The following TSPAN5 variants were observed in gnomAD, a reference collection of about 807,000 sequenced individuals.
The protein encoded by TSPAN5 is tetraspanin-5.
A neutral mutation model predicts 37.1 loss-of-function variants in TSPAN5; 10 were observed. The ratio of observed to expected loss-of-function variants is 0.27; its 90% CI spans 0.17 to 0.46. The LOEUF (loss-of-function observed/expected upper bound fraction) is 0.46. Ranked by LOEUF, TSPAN5 falls within the 20% of genes least tolerant of loss-of-function variation. TSPAN5 has a pLI of 1.00. For synonymous variants in TSPAN5, 110 were observed against 118.9 expected (o/e 0.93, Z 0.48); for missense variants, 195 against 326.6 (o/e 0.60, Z 3.11).
At chr4:98,484,145 CCAAAT>C (rs1752908938) in intron 3 of TSPAN5, 1 of 250,386 alleles carries the variant, frequency 4.0e-6, no homozygotes, top group Non-Finnish European at 7.9e-6. Flanking sequence ...AAAATTGAGT[CCAAAT>C]TCAATTCATA....
At chr4:98,484,498 C>T in intron 3 of TSPAN5, 2 of 455,976 alleles carry the variant, frequency 4.4e-6, no homozygotes, top group South Asian at 1.6e-5. Flanking sequence ...CAAGAAACAA[C>T]ACAATTCTCT....
chr4:98,608,132 G>A (rs959886049), intron 1 of TSPAN5, among the ~76,000 whole-genome samples: 2 of 152,134 alleles, frequency 1.3e-5, no homozygotes, highest in Non-Finnish European at 1.5e-5. Flanking sequence ...CATAAGCTGC[G>A]GGAGTGTGAA....
At chr4:98,481,955 G>A (rs1752846790) in intron 4 of TSPAN5, 50 bp downstream of exon 4, 2 of 1,585,422 alleles carry the variant, frequency 1.3e-6, no homozygotes, top group South Asian at 2.2e-5. Flanking sequence ...ATTCACTGGG[G>A]TCATCGTTCA....
At chr4:98,613,136 CTTTT>C (rs11308204) in intron 1 of TSPAN5, among the ~76,000 whole-genome samples, 4 of 143,378 alleles carry the variant, frequency 2.8e-5, no homozygotes, top group African/African-American at 7.7e-5. Context: ...AGGGCAAAAC[CTTTT>C]TTTTTTTTTT....
intron 1 of TSPAN5, among the ~76,000 whole-genome samples, chr4:98,633,952 G>A (rs1318092124): frequency 6.6e-6 from 1 of 152,078 alleles, no homozygotes; most frequent in African/African-American, 2.4e-5. Flanking sequence ...GGTGGCACAC[G>A]CCTGTAATCC....
intron 1 of TSPAN5, among the ~76,000 whole-genome samples, chr4:98,644,046 G>T (rs1757012342): frequency 6.6e-6 from 1 of 151,932 alleles, no homozygotes; most frequent in South Asian, 2.1e-4. Context: ...TAGTTTTCCT[G>T]TTACTGAATT....
At chr4:98,590,030 C>A (rs6829942) in intron 1 of TSPAN5, among the ~76,000 whole-genome samples, 1 of 152,126 alleles carries the variant, frequency 6.6e-6, no homozygotes, top group African/African-American at 2.4e-5. Context: ...TCCTACTGTA[C>A]GAAATTCCAG....
chr4:98,512,737 T>C (rs772812780), intron 1 of TSPAN5, among the ~76,000 whole-genome samples: 28 of 152,220 alleles, frequency 1.8e-4, no homozygotes, highest in Non-Finnish European at 1.0e-4. Context: ...AAATGGATAC[T>C]TCAAGAGGCC....
Position 98,532,565 on chromosome 4 carries a change from G to A in TSPAN5, c.82-24837C>T, listed in dbSNP as rs548854704. On this transcript the variant is annotated intron_variant, in intron 1 of 7. Coordinates refer to ENST00000305798, the MANE Select transcript of TSPAN5 (RefSeq NM_005723.4). ...TGTATTCTGAGACTTTGCTGAAGTT[G>A]CTTATCAACTTAAGGAGATTTTGGG... Among the ~76,000 whole-genome samples, 6 of 152,250 alleles carry A rather than the reference G, an allele frequency of 3.9e-5. No individual in the cohort carries two copies. The South Asian group carries it at 1.2e-3, about 32-fold the overall frequency.
intron 1 of TSPAN5, among the ~76,000 whole-genome samples, chr4:98,634,321 T>C (rs1299826503): frequency 6.6e-6 from 1 of 152,156 alleles, no homozygotes; most frequent in Non-Finnish European, 1.5e-5. Context: ...AGGGGCCTTT[T>C]GCCTTGCCCT....
intron 2 of TSPAN5, among the ~76,000 whole-genome samples, chr4:98,499,698 C>T (rs1163562942): frequency 1.6e-5 from 2 of 126,574 alleles, no homozygotes; most frequent in Non-Finnish European, 3.1e-5. Context: ...TCTCACTCTG[C>T]TGCCCAGGCT....
intron 1 of TSPAN5, among the ~76,000 whole-genome samples, chr4:98,582,678 A>G (rs1050438140): frequency 6.6e-6 from 1 of 152,188 alleles, no homozygotes; most frequent in African/African-American, 2.4e-5. Context: ...ATGAAGTCCA[A>G]GATATCTTTC....
chr4:98,588,494 C>A (rs958158318), intron 1 of TSPAN5, among the ~76,000 whole-genome samples: 5 of 151,830 alleles, frequency 3.3e-5, no homozygotes, highest in Non-Finnish European at 5.9e-5. Flanking sequence ...AATGTCTTTT[C>A]TCATCTTTTG....
At chr4:98,639,183 T>C (rs562862699) in intron 1 of TSPAN5, among the ~76,000 whole-genome samples, 1 of 152,326 alleles carries the variant, frequency 6.6e-6, no homozygotes, top group South Asian at 2.1e-4. Context: ...ACGGGGTTCT[T>C]GGTCTCAGCA....
intron 3 of TSPAN5, 160 bp from the exon 4 acceptor site, chr4:98,482,335 T>C (rs757795997): frequency 8.3e-6 from 5 of 604,936 alleles, no homozygotes; most frequent in Non-Finnish European, 1.4e-5. Context: ...AATAGAATAT[T>C]ACACTCCAAG....
chr4:98,575,104 A>G (rs192256174), intron 1 of TSPAN5, among the ~76,000 whole-genome samples: 61 of 152,328 alleles, frequency 4.0e-4, no homozygotes, highest in Non-Finnish European at 7.2e-4. Flanking sequence ...CTCTGCAAGG[A>G]ACACCTCATG....
At chr4:98,608,530 C>G (rs895490112) in intron 1 of TSPAN5, among the ~76,000 whole-genome samples, 1 of 152,166 alleles carries the variant, frequency 6.6e-6, no homozygotes, top group South Asian at 2.1e-4. Flanking sequence ...GAGGAACAGT[C>G]TTCTGTGACA....
intron 1 of TSPAN5, among the ~76,000 whole-genome samples, chr4:98,558,687 CCA>C (rs1754808375): frequency 6.6e-6 from 1 of 152,104 alleles, no homozygotes; most frequent in African/African-American, 2.4e-5. Flanking sequence ...TCAGCTTTTT[CCA>C]GTTTCTTCTT....
At chr4:98,575,711 C>A (rs1433108117) in intron 1 of TSPAN5, among the ~76,000 whole-genome samples, 1 of 151,588 alleles carries the variant, frequency 6.6e-6, no homozygotes, top group African/African-American at 2.4e-5. Context: ...CCTCTTTCAT[C>A]TACAATATCC....
Sources: gnomAD v4.1 joint callset for allele counts (sites outside exome capture counted in the v4.1 genomes callset) on GRCh38, gnomAD v4.1.1 for gene constraint, MANE v1.5 for transcripts, NCBI Gene and HGNC (gene_info 2026-07-23, HGNC 2026-07-21) for gene names.